The following LIMS2 variants were observed in gnomAD, a reference collection of about 807,000 sequenced individuals.
LIMS2 encodes LIM and senescent cell antigen-like-containing domain protein 2.
A neutral mutation model predicts 45.3 loss-of-function variants in LIMS2; 30 were observed. That is an observed-to-expected ratio of 0.66 (90% CI 0.50 to 0.90). LIMS2 has a LOEUF of 0.90. LIMS2 is among the 40% of genes least tolerant of loss of function. The pLI, the probability that LIMS2 is intolerant of heterozygous loss-of-function variation, is 0.00. For synonymous variants in LIMS2, 173 were observed against 188.0 expected (o/e 0.92, Z 0.65); for missense variants, 485 against 468.7 (o/e 1.03, Z -0.32).
intron 1 of LIMS2, among the ~76,000 whole-genome samples, chr2:127,668,294 C>T (rs1356580547): frequency 6.6e-6 from 1 of 151,958 alleles, no homozygotes; most frequent in Admixed American, 6.6e-5. Context: ...AAATTCCTGC[C>T]TTTTTTAAAG....
At chr2:127,658,009 T>C (rs1263977050) in intron 1 of LIMS2, among the ~76,000 whole-genome samples, 4 of 152,210 alleles carry the variant, frequency 2.6e-5, no homozygotes, top group South Asian at 2.1e-4. Flanking sequence ...CAGTCTTCCA[T>C]GGTTCCATCC....
upstream of LIMS2, among the ~76,000 whole-genome samples, chr2:127,675,778 C>G (rs1258687579): frequency 6.6e-6 from 1 of 152,216 alleles, no homozygotes; most frequent in Non-Finnish European, 1.5e-5. Context: ...CCTCCCGAGG[C>G]ACCCGGGACC....
chr2:127,653,894 G>A lies in LIMS2; in HGVS notation c.359+530C>T, dbSNP rs1424649190. ...GAAGCAAGCCCTGGAGAAAGTGTGG[G>A]GATGAACAGGGCTCACAGACAGAGG... On this transcript the variant is annotated intron_variant, in intron 4 of 9. Coordinates refer to ENST00000355119, the MANE Select transcript of LIMS2 (RefSeq NM_001161403.3). This position sits in a 1 kb window ranked among gnomAD's most constrained non-coding sequence, Gnocchi z 5.3. 6.6e-6 allele frequency among the ~76,000 whole-genome samples: 1 copy of A among 152,068 alleles called. No individual in the cohort carries two copies. The highest frequency in any genetic ancestry group is 6.5e-5 in the Admixed American group (1 of 15,268).
At chr2:127,656,500 G>C (rs945056237) in intron 2 of LIMS2, among the ~76,000 whole-genome samples, 9 of 148,456 alleles carry the variant, frequency 6.1e-5, no homozygotes, top group African/African-American at 2.0e-4. Flanking sequence ...TGCAACCTCT[G>C]CCTCCCAGGT....
intron 4 of LIMS2, 46 bp downstream of exon 4, chr2:127,654,378 G>C: frequency 6.2e-7 from 1 of 1,612,450 alleles, no homozygotes; most frequent in Non-Finnish European, 8.5e-7. Flanking sequence ...GGTGTGCCAG[G>C]AAGGGCTGTG....
At chr2:127,659,534 G>T (rs561387133) in intron 1 of LIMS2, among the ~76,000 whole-genome samples, 1 of 152,196 alleles carries the variant, frequency 6.6e-6, no homozygotes, top group Non-Finnish European at 1.5e-5. Context: ...GTTTCCTTCC[G>T]GGAGAACACT....
At position 127,672,600 on chromosome 2, in the gene LIMS2, A is replaced by C. The variant is rs1685317764; in HGVS notation, c.11+2414T>G. 3.3e-5 allele frequency among the ~76,000 whole-genome samples: 5 copies of C among 151,948 alleles called. No homozygotes were observed. The highest frequency in any genetic ancestry group is 7.4e-5 in the Non-Finnish European group (5 of 67,996). On this transcript the variant is annotated intron_variant, in intron 1 of 9. Coordinates refer to ENST00000355119, the MANE Select transcript of LIMS2 (RefSeq NM_001161403.3). The surrounding 1 kb of genome is among the most constrained non-coding windows in gnomAD (Gnocchi z 4.9). ...GGTCCTGTCCACTCCACCTCCCAGA[A>C]CCCTGAGTCAGCCTCCTCTCCTCCA...
At chr2:127,654,099 C>T (rs893325523) in intron 4 of LIMS2, among the ~76,000 whole-genome samples, 3 of 152,026 alleles carry the variant, frequency 2.0e-5, no homozygotes, top group Admixed American at 6.5e-5. Flanking sequence ...CATCTCCCTC[C>T]AGCCACACTG....
intron 4 of LIMS2, chr2:127,652,257 A>T: frequency 1.7e-5 from 3 of 177,454 alleles, no homozygotes. Flanking sequence ...CCAGACACAC[A>T]CTGCCTGAGT....
rs1485655456 is a variant in LIMS2 at position 127,664,399 on chromosome 2, A to T, written c.12-6837T>A. 8.3e-7 allele frequency: 1 copy of T among 1,201,498 alleles called. No homozygotes were observed. Among genetic ancestry groups the T allele is most frequent in the African/African-American group, 1.6e-5 (1 of 63,088 alleles). The allele number at this position is 1,201,498 out of a possible 1,614,324, so 74.4% of individuals were successfully genotyped here. On this transcript the variant is annotated intron_variant, in intron 1 of 9. Coordinates refer to ENST00000355119, the MANE Select transcript of LIMS2 (RefSeq NM_001161403.3). This position sits in a 1 kb window ranked among gnomAD's most constrained non-coding sequence, Gnocchi z 5.5. Reference sequence around the variant, plus strand: ...CAGCCGGGCCGCCATGGCGCGGGGCAGCCGCCTTGAGGTCGCGGGCGCGGG... The same window carrying T: ...CAGCCGGGCCGCCATGGCGCGGGGCTGCCGCCTTGAGGTCGCGGGCGCGGG...
intron 2 of LIMS2, chr2:127,655,541 AGT>A (rs1684198768): frequency 6.4e-6 from 1 of 156,752 alleles, no homozygotes; most frequent in Non-Finnish European, 1.4e-5. Context: ...CTCTAAAATG[AGT>A]GTCTTATTAG....
chr2:127,654,056 G>A (rs534850825), intron 4 of LIMS2, among the ~76,000 whole-genome samples: 1 of 152,096 alleles, frequency 6.6e-6, no homozygotes, highest in Admixed American at 6.5e-5. Context: ...GTACCCATGA[G>A]GTTTGTGGCC....
intron 4 of LIMS2, chr2:127,651,218 G>A (rs1325779641): frequency 3.1e-6 from 5 of 1,608,974 alleles, no homozygotes; most frequent in Admixed American, 3.3e-5. Flanking sequence ...TGGTGGCTGT[G>A]GCCATGGCCC....
chr2:127,639,303 G>A lies in LIMS2; in HGVS notation c.1004C>T (p.Ala335Val), dbSNP rs1203081747. 6.2e-7 allele frequency: 1 copy of A among 1,613,872 alleles called. No homozygotes were observed. The highest frequency in any genetic ancestry group is 8.5e-7 in the Non-Finnish European group (1 of 1,179,890). The change falls in exon 10 of 10, where the codon GCC becomes GTC. Residue 335 changes from alanine to valine, a missense_variant. Ala to Val is a moderately conservative substitution (Grantham distance 64). Coordinates refer to ENST00000355119, the MANE Select transcript of LIMS2 (RefSeq NM_001161403.3). ...ELTSRKAQPKATDLNSA is the reference protein window; with the variant it reads ...ELTSRKAQPKVTDLNSA The stretch of plus-strand genomic sequence containing the variant: ...CCTTCAGGCAGAGTTGAGGTCTGTG[G>A]CCTTGGGCTGGGCCTTGCGGGAGGT...
upstream of LIMS2, among the ~76,000 whole-genome samples, chr2:127,679,237 T>C (rs375121029): frequency 2.0e-5 from 3 of 151,602 alleles, no homozygotes; most frequent in Non-Finnish European, 2.9e-5. The surrounding 1 kb of genome is among the most constrained non-coding windows in gnomAD (Gnocchi z 5.3). Flanking sequence ...CTGGGGTCTG[T>C]GTAGATGGTG....
At chr2:127,679,611 C>A (rs1685573098), upstream of LIMS2, among the ~76,000 whole-genome samples, 1 of 152,080 alleles carries the variant, frequency 6.6e-6, no homozygotes, top group South Asian at 2.1e-4. This position sits in a 1 kb window ranked among gnomAD's most constrained non-coding sequence, Gnocchi z 5.3. Flanking sequence ...TTCTCCACCC[C>A]CCACCTTCTC....
At chr2:127,675,983 C>T (rs759588426), upstream of LIMS2, among the ~76,000 whole-genome samples, 12 of 152,368 alleles carry the variant, frequency 7.9e-5, no homozygotes, top group Admixed American at 1.3e-4. Context: ...CCAGGCACGC[C>T]TCTGTATAAT....
rs1558869621 is a variant in LIMS2 at position 127,642,658 on chromosome 2, G to A, written c.509+265C>T. On this transcript the variant is annotated intron_variant, in intron 5 of 9. Coordinates refer to ENST00000355119, the MANE Select transcript of LIMS2 (RefSeq NM_001161403.3). This position sits in a 1 kb window ranked among gnomAD's most constrained non-coding sequence, Gnocchi z 5.3. ...CACTGCTCCATCTCAACCCTCGTCTGCAGTCTAGGGGTCCAGCCCACCCGC... is the reference window on the plus strand; with the variant it reads ...CACTGCTCCATCTCAACCCTCGTCTACAGTCTAGGGGTCCAGCCCACCCGC... The A allele has an allele frequency of 2.0e-6, 1 of 489,590 alleles. No individual in the cohort carries two copies. Among genetic ancestry groups the A allele is most frequent in the Non-Finnish European group, 3.7e-6 (1 of 272,672 alleles). 30.3% of individuals were successfully genotyped at this position (489,590 alleles called of 1,614,324 possible).
chr2:127,661,003 C>A (rs1379218780), intron 1 of LIMS2, among the ~76,000 whole-genome samples: 6 of 152,096 alleles, frequency 3.9e-5, no homozygotes, highest in African/African-American at 1.4e-4. Flanking sequence ...ACAGAGAGCC[C>A]CTAACAGCAG....
Sources: gnomAD v4.1 joint callset for allele counts (sites outside exome capture counted in the v4.1 genomes callset) on GRCh38, gnomAD v4.1.1 for gene constraint, Gnocchi (gnomAD v3.1) non-coding constraint, MANE v1.5 for transcripts, NCBI Gene and HGNC (gene_info 2026-07-23, HGNC 2026-07-21) for gene names.